The following FBN1 variants were observed in gnomAD, a reference collection of about 807,000 sequenced individuals.
The protein encoded by FBN1 is fibrillin 1, also known as fibrillin-1.
FBN1 carries 29 observed loss-of-function variants against 365.1 expected under a neutral mutation model. That is an observed-to-expected ratio of 0.08 (90% CI 0.06 to 0.11). The LOEUF (loss-of-function observed/expected upper bound fraction) is 0.11. FBN1 is among the 10% of genes least tolerant of loss of function. FBN1 has a pLI of 1.00. For missense variants in FBN1, 2,476 were observed against 3,703.2 expected, an observed-to-expected ratio of 0.67 and a Z score of 8.60; for synonymous variants, 1,210 against 1,270.5, an observed-to-expected ratio of 0.95 and a Z score of 1.01.
At chr15:48,437,701 TCTTA>T in intron 51 of FBN1, 63 bp downstream of exon 51, 1 of 1,524,664 alleles carries the variant, frequency 6.6e-7, no homozygotes, top group Non-Finnish European at 9.1e-7. Context: ...AGGCCTACAG[TCTTA>T]CTTACATCAT....
chr15:48,614,243 C>A (rs1464310188), intron 2 of FBN1, among the ~76,000 whole-genome samples: 3 of 152,154 alleles, frequency 2.0e-5, no homozygotes, highest in Non-Finnish European at 4.4e-5. Flanking sequence ...TAAGGAAGGT[C>A]AAATGTTTTG....
rs1597517953 is a variant in FBN1, at chr15:48,427,688, C to T, written c.7083G>A (p.Ser2361=). 1.1e-5 allele frequency: 18 copies of T among 1,613,986 alleles called. No homozygotes were observed. The highest frequency in any genetic ancestry group is 1.6e-4 in the Middle Eastern group (1 of 6,084). ...CTCTCCCTCCGTCACAGCAGCATTC[C>T]GATTTGGTGACGGGGTTCCTGTTGC... ...GSSNRNPVTK[S]ECCCDGGRGW... The change falls in exon 58 of 66, where the codon TCG becomes TCA. Residue 2361 remains serine (S), a synonymous_variant. Coordinates refer to ENST00000316623, the MANE Select transcript of FBN1 (RefSeq NM_000138.5).
At chr15:48,530,660 A>C (rs990436544) in intron 8 of FBN1, among the ~76,000 whole-genome samples, 10 of 151,904 alleles carry the variant, frequency 6.6e-5, no homozygotes, top group Non-Finnish European at 1.0e-4. Context: ...AGCCCCATCT[A>C]TGGTAGTGGG....
In FBN1 at chr15:48,487,375, C is replaced by T. The variant is rs372404949; in HGVS notation, c.3400G>A (p.Gly1134Arg). 5.6e-6 allele frequency: 9 copies of T among 1,614,054 alleles called. No homozygotes were observed. The highest frequency in any genetic ancestry group is 7.6e-6 in the Non-Finnish European group (9 of 1,180,046). Residue 1134 changes from glycine (G) to arginine (R), a missense_variant, in exon 28 of 66, where the codon GGA becomes AGA. Gly to Arg is a moderately radical substitution (Grantham distance 125). Transcript: ENST00000316623. ...CRGGVCHNTE[G>R]SYRCECPPGH... ...GGCGGGCATTCACAGCGGTAACTTCCCTCTGTGTTATGGCAAACACCACCT... is the reference window on the plus strand; with the variant it reads ...GGCGGGCATTCACAGCGGTAACTTCTCTCTGTGTTATGGCAAACACCACCT...
chr15:48,578,298 G>C (rs902157052), intron 6 of FBN1, among the ~76,000 whole-genome samples: 20 of 152,108 alleles, frequency 1.3e-4, no homozygotes, highest in African/African-American at 4.6e-4. Flanking sequence ...CTGTCCACAG[G>C]GATAATGACT....
At position 48,472,626 on chromosome 15, in the gene FBN1, G is replaced by A. The variant is rs1389901447; in HGVS notation, c.4261C>T (p.Leu1421Phe). Residue 1421 changes from leucine to phenylalanine, a missense_variant, in exon 35 of 66, where the codon CTC becomes TTC. This residue lies in a region of FBN1 where 1,780 missense variants were observed against 2,840.8 expected (regional missense o/e 0.63). Coordinates refer to ENST00000316623, the MANE Select transcript of FBN1 (RefSeq NM_000138.5). ...NLNLCGNGQC[L>F]NAPGGYRCEC... is the part of the protein sequence containing the mutation. The stretch of plus-strand genomic sequence containing the variant: ...CAGCGGTATCCTCCTGGTGCATTGA[G>A]GCACTGGCCATTGCCACAGAGATTC... The A allele has an allele frequency of 6.2e-7, 1 of 1,614,174 alleles. No individual in the cohort carries two copies.
intron 16 of FBN1, 29 bp downstream of exon 16, chr15:48,504,996 T>C: frequency 6.2e-7 from 1 of 1,614,032 alleles, no homozygotes; most frequent in Non-Finnish European, 8.5e-7. Flanking sequence ...TGAACCTCTC[T>C]CATAAGGTTA....
chr15:48,434,525 A>T (rs2043049064), intron 54 of FBN1, 69 bp downstream of exon 54: 1 of 1,588,864 alleles, frequency 6.3e-7, no homozygotes, highest in Non-Finnish European at 8.6e-7. Context: ...TAATATTAAG[A>T]CTTGTAATCA....
At chr15:48,536,550 A>C (rs893742579) in intron 7 of FBN1, among the ~76,000 whole-genome samples, 1 of 152,224 alleles carries the variant, frequency 6.6e-6, no homozygotes, top group African/African-American at 2.4e-5. Context: ...AAAAACAACT[A>C]AACTTTTGTA....
chr15:48,577,046 T>A (rs1009460250), intron 6 of FBN1, among the ~76,000 whole-genome samples: 2 of 152,184 alleles, frequency 1.3e-5, no homozygotes, highest in East Asian at 3.8e-4. Context: ...CTCATAATTC[T>A]CAGGTCATTT....
chr15:48,513,406 T>G, intron 13 of FBN1, 143 bp downstream of exon 13: 1 of 1,072,240 alleles, frequency 9.3e-7, no homozygotes, highest in East Asian at 2.4e-5. Flanking sequence ...AGAATGACAA[T>G]AGGTGGAACT....
chr15:48,545,174 C>G (rs1050705855), intron 6 of FBN1, among the ~76,000 whole-genome samples: 1 of 152,088 alleles, frequency 6.6e-6, no homozygotes, highest in African/African-American at 2.4e-5. Context: ...AATCCAAAAA[C>G]AAGATTAGTA....
chr15:48,605,449 A>C (rs1227052005), intron 4 of FBN1, among the ~76,000 whole-genome samples: 1 of 152,248 alleles, frequency 6.6e-6, no homozygotes, highest in African/African-American at 2.4e-5. Context: ...CCCATTAAAA[A>C]TATTAAAAAG....
intron 32 of FBN1, among the ~76,000 whole-genome samples, chr15:48,479,453 G>C (rs1799043658): frequency 6.6e-6 from 1 of 152,152 alleles, no homozygotes; most frequent in Non-Finnish European, 1.5e-5. Context: ...CTTCAGATGA[G>C]AATATCACAT....
At chr15:48,434,513 T>A in intron 54 of FBN1, 81 bp downstream of exon 54, 1 of 1,563,086 alleles carries the variant, frequency 6.4e-7, no homozygotes, top group East Asian at 2.2e-5. Flanking sequence ...CTGAGTTGTA[T>A]TTAATATTAA....
At chr15:48,419,646 G>A (rs1386352568) in intron 63 of FBN1, among the ~76,000 whole-genome samples, 1 of 152,176 alleles carries the variant, frequency 6.6e-6, no homozygotes, top group African/African-American at 2.4e-5. Flanking sequence ...GTCTTGTGTA[G>A]AATCAAACTA....
chr15:48,555,538 T>C (rs751633026), intron 6 of FBN1, among the ~76,000 whole-genome samples: 2 of 152,092 alleles, frequency 1.3e-5, no homozygotes, highest in Non-Finnish European at 2.9e-5. Flanking sequence ...TGAGCTCCTA[T>C]GGTGTATTGC....
chr15:48,556,377 A>G (rs1368043348), intron 6 of FBN1, among the ~76,000 whole-genome samples: 1 of 152,234 alleles, frequency 6.6e-6, no homozygotes, highest in Non-Finnish European at 1.5e-5. Context: ...CCAGCCAAAT[A>G]TGAGCTCGAA....
chr15:48,415,418 T>A (rs2042894542), intron 64 of FBN1, 118 bp downstream of exon 64: 1 of 812,390 alleles, frequency 1.2e-6, no homozygotes, highest in Non-Finnish European at 2.1e-6. Flanking sequence ...GGAATTAATT[T>A]TAGGATTACA....
Sources: allele counts gnomAD v4.1 joint callset (sites outside exome capture counted in the v4.1 genomes callset), GRCh38; gene constraint gnomAD v4.1.1; regional missense constraint gnomAD v4.1.1; transcripts MANE v1.5; gene names NCBI Gene and HGNC (gene_info 2026-07-23, HGNC 2026-07-21).